The following SYNDIG1 variants were observed in gnomAD, a reference collection of about 807,000 sequenced individuals.
SYNDIG1 encodes the protein synapse differentiation-inducing gene protein 1.
In SYNDIG1, 9 loss-of-function variants were observed where a neutral mutation model predicts 19.4. The ratio of observed to expected loss-of-function variants is 0.46; its 90% CI spans 0.28 to 0.81. The LOEUF (loss-of-function observed/expected upper bound fraction) is 0.81. Ranked by LOEUF, SYNDIG1 falls within the 30% of genes least tolerant of loss-of-function variation. The probability of loss-of-function intolerance (pLI) is 0.12; values close to 1 mark genes in which losing one functional copy is unlikely to be tolerated. For missense variants in SYNDIG1, 311 were observed against 343.3 expected (o/e 0.91, Z 0.74); for synonymous variants, 141 against 145.9 (o/e 0.97, Z 0.24).
intron 3 of SYNDIG1, among the ~76,000 whole-genome samples, chr20:24,599,057 G>T (rs552626798): frequency 1.3e-5 from 2 of 152,274 alleles, no homozygotes; most frequent in South Asian, 2.1e-4. Context: ...GAGACAACTT[G>T]CAGAGAGGAA....
intron 1 of SYNDIG1, among the ~76,000 whole-genome samples, chr20:24,514,598 A>C (rs1195205100): frequency 6.6e-6 from 1 of 152,234 alleles, no homozygotes; most frequent in Non-Finnish European, 1.5e-5. Context: ...ATATGCACCC[A>C]ATACAGGAGC....
At chr20:24,518,074 G>A (rs898189964) in intron 1 of SYNDIG1, among the ~76,000 whole-genome samples, 2 of 151,868 alleles carry the variant, frequency 1.3e-5, no homozygotes, top group Non-Finnish European at 2.9e-5. Flanking sequence ...CCAAAGTGCT[G>A]TTTTTTAGGA....
chr20:24,625,995 G>A (rs1301363639), intron 3 of SYNDIG1, among the ~76,000 whole-genome samples: 1 of 148,526 alleles, frequency 6.7e-6, no homozygotes, highest in Admixed American at 6.7e-5. Flanking sequence ...GCGGGGGGCT[G>A]GCCCCCCCAC....
intron 1 of SYNDIG1, among the ~76,000 whole-genome samples, chr20:24,507,462 T>C (rs1394662515): frequency 6.6e-6 from 1 of 152,248 alleles, no homozygotes; most frequent in Non-Finnish European, 1.5e-5. Flanking sequence ...GGAGCTGTGA[T>C]GAGCTCAGCA....
rs1048333261 is a variant in SYNDIG1, at chr20:24,664,252, T to C, written c.619-1094T>C. Among the ~76,000 whole-genome samples the C allele has an allele frequency of 2.0e-5, 3 of 152,144 alleles. No homozygotes were observed. The East Asian group carries it at 5.8e-4, about 29-fold the overall frequency. On this transcript the variant is annotated intron_variant, in intron 3 of 3. Transcript: ENST00000376862. ...AGCCATCTCTGAGTGTGAGCCTTTC[T>C]GGTCCACTGCAGAGGTGTTGGTGTG...
chr20:24,611,477 C>G (rs1468760559), intron 3 of SYNDIG1, among the ~76,000 whole-genome samples: 2 of 152,154 alleles, frequency 1.3e-5, no homozygotes, highest in African/African-American at 4.8e-5. Context: ...TGCAACTCAG[C>G]TTAGGGCTCT....
At chr20:24,650,309 C>A (rs1315661861) in intron 3 of SYNDIG1, among the ~76,000 whole-genome samples, 1 of 152,232 alleles carries the variant, frequency 6.6e-6, no homozygotes, top group Non-Finnish European at 1.5e-5. Context: ...CAGGAGGCAC[C>A]ACGTTTATAA....
At chr20:24,582,113 T>C (rs116503989) in intron 2 of SYNDIG1, among the ~76,000 whole-genome samples, 3,353 of 82,662 alleles carry the variant, frequency 0.041, 190 homozygotes, top group African/African-American at 0.15. Flanking sequence ...CTCCCCCATG[T>C]ACGTCCTCCC....
intron 3 of SYNDIG1, among the ~76,000 whole-genome samples, chr20:24,664,613 A>AAG (rs1568725309): frequency 6.6e-6 from 1 of 152,190 alleles, no homozygotes; most frequent in African/African-American, 2.4e-5. Context: ...TCGTGACCCC[A>AAG]AGAATCATGA....
intron 3 of SYNDIG1, among the ~76,000 whole-genome samples, chr20:24,617,480 G>A (rs1370642697): frequency 6.6e-5 from 10 of 152,206 alleles, no homozygotes; most frequent in Admixed American, 5.9e-4. Context: ...CAATGCCTGT[G>A]AGACAAGACC....
chr20:24,581,854 ACTGCAGGTCCTCACCC>A (rs2058328506), intron 2 of SYNDIG1, among the ~76,000 whole-genome samples: 2 of 126,432 alleles, frequency 1.6e-5, no homozygotes, highest in Non-Finnish European at 3.4e-5. Context: ...CATCCTCCCT[ACTGCAGGTCCTCACCC>A]CTGCAAGTCC....
chr20:24,542,989 C>T, intron 1 of SYNDIG1, 31 bp from the exon 2 acceptor site: 1 of 1,499,914 alleles, frequency 6.7e-7, no homozygotes, highest in Non-Finnish European at 9.0e-7. Context: ...GTGTGATTCT[C>T]TTGTCTCATC....
intron 3 of SYNDIG1, among the ~76,000 whole-genome samples, chr20:24,663,302 ATAAACCGGCG>A (rs1314889803): frequency 2.0e-5 from 3 of 152,204 alleles, no homozygotes; most frequent in African/African-American, 7.2e-5. Flanking sequence ...AGCCAAACAT[ATAAACCGGCG>A]TATCAAGGTC....
At chr20:24,581,403 C>T (rs1221528630) in intron 2 of SYNDIG1, among the ~76,000 whole-genome samples, 2 of 152,068 alleles carry the variant, frequency 1.3e-5, no homozygotes, top group Admixed American at 1.3e-4. Flanking sequence ...CCATGGCTGC[C>T]GTGCTCCCTG....
chr20:24,580,680 G>A (rs1381185348), intron 2 of SYNDIG1, among the ~76,000 whole-genome samples: 2 of 152,132 alleles, frequency 1.3e-5, no homozygotes, highest in African/African-American at 2.4e-5. Context: ...AAGTGCTGAG[G>A]TAACAGGTGT....
chr20:24,550,745 C>T (rs1042808933), intron 2 of SYNDIG1, among the ~76,000 whole-genome samples: 1 of 152,080 alleles, frequency 6.6e-6, no homozygotes, highest in Non-Finnish European at 1.5e-5. Flanking sequence ...CTCCTGACCT[C>T]GTGATCTGCC....
chr20:24,586,080 A>G (rs1211647429), intron 3 of SYNDIG1, among the ~76,000 whole-genome samples: 1 of 152,172 alleles, frequency 6.6e-6, no homozygotes, highest in Non-Finnish European at 1.5e-5. Context: ...TCCCCTGCAC[A>G]TCTTGAGTGG....
At chr20:24,610,745 C>G (rs1358146926) in intron 3 of SYNDIG1, among the ~76,000 whole-genome samples, 3 of 152,236 alleles carry the variant, frequency 2.0e-5, no homozygotes, top group Admixed American at 6.5e-5. Flanking sequence ...ACGAAGCCAT[C>G]TGACCTTCTC....
intron 3 of SYNDIG1, among the ~76,000 whole-genome samples, chr20:24,621,282 C>T (rs1031703460): frequency 3.3e-5 from 5 of 152,066 alleles, no homozygotes; most frequent in African/African-American, 9.7e-5. Context: ...GTTGGGAAAG[C>T]TTATCTATTT....
Sources: gnomAD v4.1 joint callset for allele counts (sites outside exome capture counted in the v4.1 genomes callset) on GRCh38, gnomAD v4.1.1 for gene constraint, MANE v1.5 for transcripts, NCBI Gene and HGNC (gene_info 2026-07-23, HGNC 2026-07-21) for gene names.